The following NALF1 variants were observed in gnomAD, a reference collection of about 807,000 sequenced individuals.
The protein encoded by NALF1 is NALCN channel auxiliary factor 1, also known as family with sequence similarity 155 member A.
A neutral mutation model predicts 48.4 loss-of-function variants in NALF1; 3 were observed. The observed-to-expected ratio is 0.06, with a 90% CI of 0.03 to 0.16. The LOEUF (loss-of-function observed/expected upper bound fraction) is 0.16, where lower values mean the gene tolerates loss of function less well. NALF1 is among the 10% of genes least tolerant of loss of function. NALF1 has a pLI of 1.00. For synonymous variants in NALF1, 262 were observed against 245.7 expected (o/e 1.07, Z -0.62); for missense variants, 526 against 571.5 (o/e 0.92, Z 0.81).
chr13:107,645,782 T>C (rs939474422), intron 1 of NALF1, among the ~76,000 whole-genome samples: 9 of 152,030 alleles, frequency 5.9e-5, no homozygotes, highest in Non-Finnish European at 1.2e-4. Context: ...AGCAAATAAC[T>C]GAAGGCAAAA....
intron 1 of NALF1, among the ~76,000 whole-genome samples, chr13:107,417,976 G>A (rs542861485): frequency 1.3e-5 from 2 of 152,162 alleles, no homozygotes; most frequent in African/African-American, 4.8e-5. Flanking sequence ...CAGGAGAATC[G>A]CTTGAACCAG....
At chr13:107,744,253 G>T (rs2138546765) in intron 1 of NALF1, among the ~76,000 whole-genome samples, 1 of 152,244 alleles carries the variant, frequency 6.6e-6, no homozygotes, top group Middle Eastern at 3.4e-3. Flanking sequence ...TGCAAGAAAG[G>T]GAAGAAGACA....
intron 1 of NALF1, among the ~76,000 whole-genome samples, chr13:107,851,806 T>C (rs79428438): frequency 2.3e-3 from 42 of 18,068 alleles, no homozygotes; most frequent in African/African-American, 5.0e-3. Context: ...AGGCCCTTTC[T>C]TTTTTTTTTT....
intron 1 of NALF1, among the ~76,000 whole-genome samples, chr13:107,589,959 C>T (rs144574359): frequency 4.6e-5 from 7 of 151,972 alleles, no homozygotes; most frequent in Admixed American, 2.0e-4. Context: ...ACTTCTATTA[C>T]GAATAGATTA....
intron 1 of NALF1, among the ~76,000 whole-genome samples, chr13:107,215,248 T>C (rs1370640228): frequency 1.3e-5 from 2 of 152,216 alleles, no homozygotes; most frequent in Admixed American, 6.5e-5. Context: ...TCCGAACATA[T>C]CCTTTTTCTT....
chr13:107,361,018 T>C (rs1220975716), intron 1 of NALF1, among the ~76,000 whole-genome samples: 1 of 152,172 alleles, frequency 6.6e-6, no homozygotes, highest in Non-Finnish European at 1.5e-5. Context: ...TAGTTAAATG[T>C]AAAGGTTTGA....
chr13:107,509,966 C>T (rs998587433), intron 1 of NALF1, among the ~76,000 whole-genome samples: 5 of 151,938 alleles, frequency 3.3e-5, no homozygotes, highest in Admixed American at 6.6e-5. Context: ...GCCACCATGC[C>T]CAGCTAATTT....
At chr13:107,722,737 G>A (rs1469522766) in intron 1 of NALF1, among the ~76,000 whole-genome samples, 3 of 152,174 alleles carry the variant, frequency 2.0e-5, no homozygotes, top group African/African-American at 7.2e-5. Context: ...ATTTCCATCT[G>A]TAAAATGGAA....
intron 1 of NALF1, among the ~76,000 whole-genome samples, chr13:107,437,855 G>A (rs116023964): frequency 0.014 from 2,132 of 152,156 alleles, 49 homozygotes; most frequent in African/African-American, 0.048. Context: ...ATTTTACCTC[G>A]AAAACAGAAA....
chr13:107,672,257 AG>A (rs1427111687), intron 1 of NALF1, among the ~76,000 whole-genome samples: 2 of 152,224 alleles, frequency 1.3e-5, no homozygotes, highest in Non-Finnish European at 2.9e-5. Context: ...GCCATAATAG[AG>A]GAAGATTGAC....
chr13:107,597,938 A>G (rs1414565842), intron 1 of NALF1, among the ~76,000 whole-genome samples: 3 of 152,198 alleles, frequency 2.0e-5, no homozygotes, highest in South Asian at 2.1e-4. Context: ...CAGGAAGTAC[A>G]GATAAGAAAA....
chr13:107,676,473 A>T (rs758811198), intron 1 of NALF1, among the ~76,000 whole-genome samples: 9 of 152,076 alleles, frequency 5.9e-5, no homozygotes, highest in Non-Finnish European at 1.2e-4. Flanking sequence ...TCACCTGTCA[A>T]GGCTAGAGGA....
intron 1 of NALF1, among the ~76,000 whole-genome samples, chr13:107,743,250 A>G (rs949457209): frequency 2.0e-5 from 3 of 152,114 alleles, no homozygotes; most frequent in Admixed American, 2.0e-4. Flanking sequence ...TTCCTTCCCT[A>G]TCTCCTTCCT....
intron 1 of NALF1, among the ~76,000 whole-genome samples, chr13:107,753,007 A>G (rs1183277888): frequency 6.6e-6 from 1 of 152,218 alleles, no homozygotes; most frequent in Non-Finnish European, 1.5e-5. Context: ...TGTTCCCCAC[A>G]TGGATGTTTA....
At chr13:107,397,705 T>C (rs189604834) in intron 1 of NALF1, among the ~76,000 whole-genome samples, 304 of 152,202 alleles carry the variant, frequency 2.0e-3, no homozygotes, top group African/African-American at 6.7e-3. Context: ...ATTTGTCAAG[T>C]AGAATAACCT....
chr13:107,733,789 G>C (rs1241334284), intron 1 of NALF1, among the ~76,000 whole-genome samples: 3 of 152,088 alleles, frequency 2.0e-5, no homozygotes, highest in African/African-American at 7.2e-5. Context: ...AAAAATTGTT[G>C]CTAGGACACA....
At chr13:107,601,349 T>C (rs1373630658) in intron 1 of NALF1, among the ~76,000 whole-genome samples, 1 of 152,182 alleles carries the variant, frequency 6.6e-6, no homozygotes, top group Non-Finnish European at 1.5e-5. Context: ...GTAGATTATT[T>C]TACTCTCTTT....
chr13:107,388,187 A>G (rs1883562558), intron 1 of NALF1, among the ~76,000 whole-genome samples: 1 of 152,240 alleles, frequency 6.6e-6, no homozygotes, highest in African/African-American at 2.4e-5. Context: ...ATCATTTATA[A>G]TGTACGTCAT....
intron 1 of NALF1, among the ~76,000 whole-genome samples, chr13:107,608,256 C>A (rs1245384116): frequency 6.6e-6 from 1 of 152,020 alleles, no homozygotes; most frequent in African/African-American, 2.4e-5. Context: ...TGTGAGAAAC[C>A]CAGGACACGT....
Sources: allele counts gnomAD v4.1 joint callset (sites outside exome capture counted in the v4.1 genomes callset), GRCh38; gene constraint gnomAD v4.1.1; transcripts MANE v1.5; gene names NCBI Gene and HGNC (gene_info 2026-07-23, HGNC 2026-07-21).